PPP1R16B: variants seen among roughly 807,000 people sequenced by gnomAD.
The protein encoded by PPP1R16B is protein phosphatase 1 regulatory subunit 16B.
In PPP1R16B, 14 loss-of-function variants were observed where a neutral mutation model predicts 61.7. The ratio of observed to expected loss-of-function variants is 0.23; its 90% CI spans 0.15 to 0.35. PPP1R16B has a LOEUF of 0.35. Ranked by LOEUF, PPP1R16B falls within the 10% of genes least tolerant of loss-of-function variation. The probability of loss-of-function intolerance (pLI) is 1.00; values close to 1 mark genes in which losing one functional copy is unlikely to be tolerated. For synonymous variants in PPP1R16B, 266 were observed against 305.3 expected (o/e 0.87, Z 1.34); for missense variants, 547 against 752.5 (o/e 0.73, Z 3.19).
At chr20:38,916,618 G>C (rs2085543576) in intron 10 of PPP1R16B, among the ~76,000 whole-genome samples, 5 of 151,862 alleles carry the variant, frequency 3.3e-5, no homozygotes, top group African/African-American at 9.6e-5. Context: ...AAATGGGCTT[G>C]CTGGTGCAAA....
In PPP1R16B at chr20:38,922,854, C is replaced by T. The variant is rs2085611755; in HGVS notation, c.*4188C>T. On this transcript the variant is annotated 3_prime_UTR_variant, in exon 11 of 11. Coordinates refer to ENST00000299824, the MANE Select transcript of PPP1R16B (RefSeq NM_015568.4). ...CTTTGATATCGTACTGAGGTAACTT[C>T]CACGTAGCCCCTTGCCACGCGGCAC... The T allele has an allele frequency of 6.6e-6, 1 of 152,424 alleles. No homozygotes were observed. The highest frequency in any genetic ancestry group is 2.4e-5 in the African/African-American group (1 of 41,456). The allele number at this position is 152,424 out of a possible 1,614,324, so 9.4% of individuals were successfully genotyped here.
At chr20:38,866,884 A>G (rs1235137651) in intron 2 of PPP1R16B, among the ~76,000 whole-genome samples, 1 of 152,192 alleles carries the variant, frequency 6.6e-6, no homozygotes, top group African/African-American at 2.4e-5. Context: ...TCATTGTCCC[A>G]AAAGGAAACC....
chr20:38,904,967 G>C (rs1386658221), intron 6 of PPP1R16B, among the ~76,000 whole-genome samples: 1 of 152,124 alleles, frequency 6.6e-6, no homozygotes, highest in Non-Finnish European at 1.5e-5. Flanking sequence ...ATCCCTTACT[G>C]AGTGTTCATT....
intron 4 of PPP1R16B, among the ~76,000 whole-genome samples, chr20:38,895,995 TC>T (rs1568679201): frequency 7.4e-5 from 8 of 107,822 alleles, no homozygotes; most frequent in Non-Finnish European, 1.1e-4. Flanking sequence ...TCCTTCTTTC[TC>T]TCCTCCCTTC....
At chr20:38,879,334 C>T (rs1325210011) in intron 2 of PPP1R16B, among the ~76,000 whole-genome samples, 1 of 152,120 alleles carries the variant, frequency 6.6e-6, no homozygotes, top group African/African-American at 2.4e-5. Flanking sequence ...AGAAATCTTA[C>T]AGGCCCATAT....
At chr20:38,818,567 G>A (rs1248086300) in intron 1 of PPP1R16B, among the ~76,000 whole-genome samples, 2 of 152,168 alleles carry the variant, frequency 1.3e-5, no homozygotes, top group African/African-American at 4.8e-5. Context: ...CAGCGTTGTG[G>A]ATGGCTGGTT....
At chr20:38,898,582 G>T (rs2085366924) in intron 4 of PPP1R16B, among the ~76,000 whole-genome samples, 1 of 152,072 alleles carries the variant, frequency 6.6e-6, no homozygotes, top group Non-Finnish European at 1.5e-5. Flanking sequence ...GGCCAAAATG[G>T]GTGGACCACT....
At chr20:38,859,064 TG>T in intron 2 of PPP1R16B, among the ~76,000 whole-genome samples, 1 of 152,136 alleles carries the variant, frequency 6.6e-6, no homozygotes, top group Non-Finnish European at 1.5e-5. Flanking sequence ...CTTGAGACCT[TG>T]GAACAGCTAC....
At chr20:38,916,962 A>G (rs1601319974) in intron 10 of PPP1R16B, among the ~76,000 whole-genome samples, 1 of 152,296 alleles carries the variant, frequency 6.6e-6, no homozygotes, top group Non-Finnish European at 1.5e-5. Context: ...ACATATTAGT[A>G]TCCCCTGCCT....
Position 38,806,876 on chromosome 20 carries a change from C to T in PPP1R16B, c.-102+1084C>T, listed in dbSNP as rs1041346724. Among the ~76,000 whole-genome samples, 1 of 152,218 alleles carries T rather than the reference C, an allele frequency of 6.6e-6. No individual in the cohort carries two copies. The highest frequency in any genetic ancestry group is 2.4e-5 in the African/African-American group (1 of 41,462). ...AGGCCTGGGTCCCGGTGCTCCCGGG[C>T]ACCTCAGGAGCGGAGGGAGAGGGAT... On this transcript the variant is annotated intron_variant, in intron 1 of 10. Coordinates refer to ENST00000299824, the MANE Select transcript of PPP1R16B (RefSeq NM_015568.4). The surrounding 1 kb of genome is among the most constrained non-coding windows in gnomAD (Gnocchi z 4.5).
At chr20:38,887,052 GGT>G (rs374859620) in intron 2 of PPP1R16B, among the ~76,000 whole-genome samples, 22 of 150,198 alleles carry the variant, frequency 1.5e-4, no homozygotes, top group Admixed American at 2.0e-4. Flanking sequence ...GTGGGGCAAA[GGT>G]GTGTGTGTGT....
chr20:38,880,215 A>G lies in PPP1R16B; in HGVS notation c.251-9380A>G, dbSNP rs191607031. On this transcript the variant is annotated intron_variant, in intron 2 of 10. Transcript: ENST00000299824. Reference sequence around the variant, plus strand: ...ACAAATCCATACATAACTATAAAATAGTGTTAAGTCTTTTTGGAGTTTGGG... The same window carrying G: ...ACAAATCCATACATAACTATAAAATGGTGTTAAGTCTTTTTGGAGTTTGGG... Among the ~76,000 whole-genome samples the G allele has an allele frequency of 2.8e-4, 43 of 152,116 alleles. No homozygotes were observed. In the South Asian group the frequency reaches 3.5e-3, roughly 13 times the overall value.
chr20:38,826,701 A>G (rs2145713572), intron 1 of PPP1R16B, among the ~76,000 whole-genome samples: 1 of 152,288 alleles, frequency 6.6e-6, no homozygotes, highest in South Asian at 2.1e-4. Context: ...TGCATGATAG[A>G]GTGCTTAGTC....
chr20:38,869,641 T>C (rs1187093094), intron 2 of PPP1R16B, among the ~76,000 whole-genome samples: 1 of 152,182 alleles, frequency 6.6e-6, no homozygotes, highest in African/African-American at 2.4e-5. Flanking sequence ...TTAGTTTGCT[T>C]TTTCTGGAAA....
chr20:38,814,238 C>G (rs901521589), intron 1 of PPP1R16B, among the ~76,000 whole-genome samples: 5 of 152,190 alleles, frequency 3.3e-5, no homozygotes, highest in African/African-American at 1.2e-4. Flanking sequence ...AGTCCTTGTA[C>G]TGAATCATTA....
chr20:38,902,535 T>C, intron 5 of PPP1R16B, 133 bp from the exon 6 acceptor site: 1 of 1,222,752 alleles, frequency 8.2e-7, no homozygotes, highest in Admixed American at 1.9e-5. Flanking sequence ...CAATGATCTA[T>C]GGGCATGTCT....
chr20:38,895,861 T>TCCTCCCTTCCTCCTTCCTTCTTTCTC (rs2085334154), intron 4 of PPP1R16B, 151 bp downstream of exon 4: 2 of 335,700 alleles, frequency 6.0e-6, no homozygotes, highest in South Asian at 6.4e-5. Context: ...CCTTCTTTCT[T>TCCTCCCTTCCTCCTTCCTTCTTTCTC]CCCTCCCTCC....
rs1165120227 is a variant in PPP1R16B, at chr20:38,918,844, G to A, written c.*178G>A. ...CATAGCATCCCATGTCCCACGTCCC[G>A]TGGTTCTGCTTCCTGCTGCATCGTC... is the stretch of plus-strand genomic sequence containing the variant. On this transcript the variant is annotated 3_prime_UTR_variant, in exon 11 of 11. Transcript: ENST00000299824. This position sits in a 1 kb window ranked among gnomAD's most constrained non-coding sequence, Gnocchi z 5.3. 1.9e-5 allele frequency: 14 copies of A among 743,076 alleles called. No homozygotes were observed. Among genetic ancestry groups the A allele is most frequent in the East Asian group, 1.2e-4 (4 of 32,740 alleles). 46.0% of individuals were successfully genotyped at this position (743,076 alleles called of 1,614,324 possible). A position where few individuals can be genotyped will look rare whatever the true frequency, so the allele number is the denominator to read the frequency against.
chr20:38,888,149 G>A (rs756187886), intron 2 of PPP1R16B, among the ~76,000 whole-genome samples: 6 of 152,360 alleles, frequency 3.9e-5, no homozygotes, highest in East Asian at 1.9e-4. Context: ...GGCATGAACC[G>A]TAGCGTGGAG....
Sources: gnomAD v4.1 joint callset for allele counts (sites outside exome capture counted in the v4.1 genomes callset) on GRCh38, gnomAD v4.1.1 for gene constraint, Gnocchi (gnomAD v3.1) non-coding constraint, MANE v1.5 for transcripts, NCBI Gene and HGNC (gene_info 2026-07-23, HGNC 2026-07-21) for gene names.